The following NKAIN2 variants were observed in gnomAD, a reference collection of about 807,000 sequenced individuals.
NKAIN2 encodes the protein sodium/potassium transporting ATPase interacting 2.
NKAIN2 carries 14 observed loss-of-function variants against 32.6 expected under a neutral mutation model. That is an observed-to-expected ratio of 0.43 (90% CI 0.28 to 0.67). The LOEUF is 0.67. NKAIN2 is among the 30% of genes least tolerant of loss of function. NKAIN2 has a pLI of 0.17. For missense variants in NKAIN2, 198 were observed against 258.3 expected, an observed-to-expected ratio of 0.77 and a Z score of 1.60; for synonymous variants, 80 against 87.2, an observed-to-expected ratio of 0.92 and a Z score of 0.46.
intron 1 of NKAIN2, among the ~76,000 whole-genome samples, chr6:124,204,041 AC>A (rs1790730642): frequency 6.6e-6 from 1 of 151,984 alleles, no homozygotes; most frequent in Admixed American, 6.6e-5. Flanking sequence ...CTGCTCCAAT[AC>A]AAAGATAAAT....
chr6:123,869,377 A>G (rs1222052964), intron 1 of NKAIN2, among the ~76,000 whole-genome samples: 1 of 152,168 alleles, frequency 6.6e-6, no homozygotes, highest in Non-Finnish European at 1.5e-5. Context: ...CCAACCAGCA[A>G]CAGAATGAGT....
At chr6:124,683,960 C>A (rs959241564) in intron 4 of NKAIN2, among the ~76,000 whole-genome samples, 3 of 152,120 alleles carry the variant, frequency 2.0e-5, no homozygotes, top group Non-Finnish European at 4.4e-5. Context: ...ACATGTGAGT[C>A]CCCATAAGAA....
chr6:124,315,279 A>G (rs1796901312), intron 2 of NKAIN2, among the ~76,000 whole-genome samples: 1 of 152,264 alleles, frequency 6.6e-6, no homozygotes, highest in Admixed American at 6.6e-5. Flanking sequence ...ACATGGCCAC[A>G]AAGTGACAAG....
intron 3 of NKAIN2, among the ~76,000 whole-genome samples, chr6:124,546,569 T>TTA (rs200441436): frequency 9.5e-4 from 144 of 151,264 alleles, no homozygotes; most frequent in Middle Eastern, 6.9e-3. Context: ...AAAAATAGAT[T>TTA]TATATATATA....
At chr6:124,297,826 C>A (rs933970640) in intron 2 of NKAIN2, among the ~76,000 whole-genome samples, 3 of 152,072 alleles carry the variant, frequency 2.0e-5, no homozygotes, top group Non-Finnish European at 2.9e-5. Context: ...TAAATCATTT[C>A]TTCTCTAAAA....
chr6:124,278,880 A>G (rs2114907277), intron 1 of NKAIN2, among the ~76,000 whole-genome samples: 1 of 151,854 alleles, frequency 6.6e-6, no homozygotes. Flanking sequence ...ATAGCCAAAA[A>G]CTGGAAATGA....
chr6:124,809,223 CT>C (rs1780755030), intron 5 of NKAIN2, among the ~76,000 whole-genome samples: 2 of 151,632 alleles, frequency 1.3e-5, no homozygotes, highest in South Asian at 4.2e-4. Context: ...CACTACCTGA[CT>C]TCAAACTATA....
intron 1 of NKAIN2, among the ~76,000 whole-genome samples, chr6:123,883,206 G>A (rs1378170570): frequency 2.0e-5 from 3 of 151,980 alleles, no homozygotes; most frequent in African/African-American, 7.3e-5. Context: ...GTACAGTGGC[G>A]TGAACTCGGC....
rs148019687 is a variant in NKAIN2, at chr6:123,998,992, T to C, written c.54+194738T>C. ...AATTTTATATTAATAAAATTAATTA[T>C]GTAAACATTTGCTTGCTTTTAGGAG... is the stretch of plus-strand genomic sequence containing the variant. On this transcript the variant is annotated intron_variant, in intron 1 of 6. Transcript: ENST00000368417. Among the ~76,000 whole-genome samples, 30 of 152,194 alleles carry C rather than the reference T, an allele frequency of 2.0e-4. No individual in the cohort carries two copies. The East Asian group carries it at 5.4e-3, about 27-fold the overall frequency.
At chr6:124,753,173 G>A (rs1477201097) in intron 4 of NKAIN2, among the ~76,000 whole-genome samples, 1 of 152,076 alleles carries the variant, frequency 6.6e-6, no homozygotes, top group African/African-American at 2.4e-5. Context: ...CTGGCTTCAT[G>A]TTAGTGATTG....
intron 1 of NKAIN2, among the ~76,000 whole-genome samples, chr6:124,214,574 C>A (rs563813005): frequency 2.0e-5 from 3 of 151,998 alleles, no homozygotes; most frequent in South Asian, 4.2e-4. Context: ...CATAATGAAA[C>A]CCTGTCTCTA....
At chr6:124,485,226 G>A (rs928008977) in intron 3 of NKAIN2, among the ~76,000 whole-genome samples, 2 of 152,154 alleles carry the variant, frequency 1.3e-5, no homozygotes, top group Non-Finnish European at 2.9e-5. Flanking sequence ...GGCTCCACCT[G>A]TCTTACTGAA....
intron 2 of NKAIN2, among the ~76,000 whole-genome samples, chr6:124,312,268 A>C (rs528712026): frequency 6.6e-6 from 1 of 152,140 alleles, no homozygotes; most frequent in Non-Finnish European, 1.5e-5. Context: ...CAAGAAGTCT[A>C]TTCTGCTGCA....
chr6:124,532,007 C>T (rs1779544655), intron 3 of NKAIN2, among the ~76,000 whole-genome samples: 1 of 152,126 alleles, frequency 6.6e-6, no homozygotes, highest in South Asian at 2.1e-4. Flanking sequence ...CTAGAAGACT[C>T]AGGAGTGCAG....
intron 2 of NKAIN2, among the ~76,000 whole-genome samples, chr6:124,309,237 A>T (rs1796624898): frequency 6.6e-6 from 1 of 152,128 alleles, no homozygotes; most frequent in South Asian, 2.1e-4. Flanking sequence ...GAAAGGGTAA[A>T]TCATTCCCTC....
intron 5 of NKAIN2, among the ~76,000 whole-genome samples, chr6:124,801,788 C>A (rs1780270175): frequency 6.6e-6 from 1 of 152,148 alleles, no homozygotes. Context: ...AGAAATTCTT[C>A]CCCGAAGACA....
chr6:123,979,281 G>A (rs1469056483), intron 1 of NKAIN2, among the ~76,000 whole-genome samples: 1 of 152,130 alleles, frequency 6.6e-6, no homozygotes, highest in Non-Finnish European at 1.5e-5. Context: ...ATTTTGTTTT[G>A]TAGGTCCTAG....
At chr6:124,034,004 TTTA>T (rs1294821569) in intron 1 of NKAIN2, among the ~76,000 whole-genome samples, 1 of 152,138 alleles carries the variant, frequency 6.6e-6, no homozygotes, top group African/African-American at 2.4e-5. Flanking sequence ...AACAGCATGT[TTTA>T]TTCATTCATT....
At chr6:123,867,315 C>T (rs1361024816) in intron 1 of NKAIN2, among the ~76,000 whole-genome samples, 1 of 152,196 alleles carries the variant, frequency 6.6e-6, no homozygotes, top group Non-Finnish European at 1.5e-5. Context: ...TGTTCCTCAG[C>T]AGAGTATTAT....
Sources: gnomAD v4.1 joint callset for allele counts (sites outside exome capture counted in the v4.1 genomes callset) on GRCh38, gnomAD v4.1.1 for gene constraint, MANE v1.5 for transcripts, NCBI Gene and HGNC (gene_info 2026-07-23, HGNC 2026-07-21) for gene names.